The following ERBB4 variants were observed in gnomAD, a reference collection of about 807,000 sequenced individuals.
The protein encoded by ERBB4 is erb-b2 receptor tyrosine kinase 4, also known as receptor tyrosine-protein kinase erbB-4.
ERBB4 carries 42 observed loss-of-function variants against 158.0 expected under a neutral mutation model. The observed-to-expected ratio is 0.27, with a 90% confidence interval of 0.21 to 0.34. The LOEUF is 0.34. Among genes scored for constraint, ERBB4 ranks in the 10% least tolerant of loss-of-function variants. ERBB4 has a pLI of 1.00. For missense variants in ERBB4, 1,333 were observed against 1,624.1 expected, an observed-to-expected ratio of 0.82 and a Z score of 3.08; for synonymous variants, 583 against 558.7, an observed-to-expected ratio of 1.04 and a Z score of -0.61.
At chr2:211,944,185 ATATATATATATATACTAT>A (rs2080600866) in intron 3 of ERBB4, among the ~76,000 whole-genome samples, 2 of 45,514 alleles carry the variant, frequency 4.4e-5, no homozygotes, top group African/African-American at 2.4e-4. Flanking sequence ...TACTATATAT[ATATATATATATATACTAT>A]ATATATATAT....
intron 1 of ERBB4, among the ~76,000 whole-genome samples, chr2:212,131,166 AC>A: frequency 6.6e-6 from 1 of 152,230 alleles, no homozygotes; most frequent in Admixed American, 6.5e-5. Context: ...ATGGGTCCAA[AC>A]TTGTCACTTC....
At chr2:211,489,453 A>C (rs997950071) in intron 20 of ERBB4, among the ~76,000 whole-genome samples, 1 of 151,970 alleles carries the variant, frequency 6.6e-6, no homozygotes, top group African/African-American at 2.4e-5. Flanking sequence ...AATCATATGA[A>C]TTAAACGTAA....
In ERBB4 at chr2:211,461,661, T is replaced by C. The variant is rs534009301; in HGVS notation, c.2488-30561A>G. ...AAGAAAGAAACATAGACACTAAGCATATGCATCCACAGAAGGAGAGAGAGA... is the reference window on the plus strand; with the variant it reads ...AAGAAAGAAACATAGACACTAAGCACATGCATCCACAGAAGGAGAGAGAGA... On this transcript the variant is annotated intron_variant, in intron 20 of 27. Transcript: ENST00000342788. Among the ~76,000 whole-genome samples the C allele has an allele frequency of 5.3e-5, 8 of 152,092 alleles. No homozygotes were observed. In the East Asian group the frequency reaches 1.4e-3, roughly 26 times the overall value.
chr2:212,285,961 T>C (rs2085945147), intron 1 of ERBB4, among the ~76,000 whole-genome samples: 1 of 152,182 alleles, frequency 6.6e-6, no homozygotes. Flanking sequence ...ATATTATATG[T>C]ATGATTTGAC....
At chr2:212,240,076 T>G (rs1183312304) in intron 1 of ERBB4, among the ~76,000 whole-genome samples, 1 of 152,202 alleles carries the variant, frequency 6.6e-6, no homozygotes. Flanking sequence ...TTGTGAAATC[T>G]TGTACTGATA....
At chr2:211,842,414 G>A (rs759570748) in intron 3 of ERBB4, among the ~76,000 whole-genome samples, 1 of 147,864 alleles carries the variant, frequency 6.8e-6, no homozygotes, top group African/African-American at 2.4e-5. Context: ...ATTCAAACTT[G>A]AGATAAATGT....
chr2:211,725,252 G>T, intron 5 of ERBB4, 58 bp from the exon 6 acceptor site: 2 of 1,299,788 alleles, frequency 1.5e-6, no homozygotes, highest in Non-Finnish European at 1.1e-6. Flanking sequence ...AAACTCATAA[G>T]CTGAGTTCTG....
chr2:211,736,306 C>T (rs2074599760), intron 5 of ERBB4, among the ~76,000 whole-genome samples: 1 of 152,112 alleles, frequency 6.6e-6, no homozygotes, highest in Non-Finnish European at 1.5e-5. Flanking sequence ...GTACACATAT[C>T]CTTGATGAAA....
At chr2:212,069,556 T>A (rs2078048931) in intron 2 of ERBB4, among the ~76,000 whole-genome samples, 1 of 152,038 alleles carries the variant, frequency 6.6e-6, no homozygotes, top group African/African-American at 2.4e-5. Context: ...TACTGGAGGT[T>A]CTAATTAGAG....
At chr2:211,878,707 G>A (rs1382461047) in intron 3 of ERBB4, among the ~76,000 whole-genome samples, 1 of 141,060 alleles carries the variant, frequency 7.1e-6, no homozygotes, top group Non-Finnish European at 1.5e-5. Flanking sequence ...GCCCAGACTG[G>A]AGTGCAGTGG....
rs958427662 is a variant in ERBB4 at position 212,283,344 on chromosome 2, G to A, written c.83-158441C>T. On this transcript the variant is annotated intron_variant, in intron 1 of 27. Transcript: ENST00000342788. ...CGGTATCATATGGCACAATTTGTAC[G>A]GTAATCCCACATTTCCCAAGCACTT... 4.6e-5 allele frequency among the ~76,000 whole-genome samples: 7 copies of A among 151,868 alleles called. No individual in the cohort carries two copies. In the East Asian group the frequency reaches 5.8e-4, roughly 13 times the overall value.
intron 1 of ERBB4, among the ~76,000 whole-genome samples, chr2:212,382,923 C>T (rs536360884): frequency 2.6e-5 from 4 of 150,970 alleles, no homozygotes; most frequent in Admixed American, 6.6e-5. Context: ...ATATTATAAC[C>T]CTTTTAAATA....
intron 2 of ERBB4, among the ~76,000 whole-genome samples, chr2:212,010,901 A>G (rs1171808122): frequency 1.3e-5 from 2 of 152,140 alleles, no homozygotes; most frequent in African/African-American, 4.8e-5. Flanking sequence ...GATTTTAGCG[A>G]TATCTCTCCT....
At chr2:211,448,972 A>G (rs183927641) in intron 20 of ERBB4, among the ~76,000 whole-genome samples, 1 of 152,134 alleles carries the variant, frequency 6.6e-6, no homozygotes, top group Non-Finnish European at 1.5e-5. Flanking sequence ...CTCTATTAAG[A>G]CAAATTAATA....
chr2:211,647,207 C>T lies in ERBB4; in HGVS notation c.1946+10547G>A, dbSNP rs138196318. ...TTAACTCTTCTTTTTTTTCAGGAAA[C>T]TGTTATAATTAATAATCTCTTCTCT... On this transcript the variant is annotated intron_variant, in intron 16 of 27. Transcript: ENST00000342788. Among the ~76,000 whole-genome samples the T allele has an allele frequency of 2.0e-4, 30 of 151,298 alleles. 1 individual carries two copies. The East Asian group carries it at 5.6e-3, about 28-fold the overall frequency.
At chr2:211,792,930 G>T (rs2076307712) in intron 3 of ERBB4, among the ~76,000 whole-genome samples, 2 of 151,816 alleles carry the variant, frequency 1.3e-5, no homozygotes, top group Admixed American at 1.3e-4. Context: ...CCCATTAACA[G>T]AATCATTGAC....
In ERBB4 at chr2:211,381,233, T is replaced by A. The variant is rs1422254616; in HGVS notation, c.*2382A>T. 24 of 232,196 alleles carry A rather than the reference T, an allele frequency of 1.0e-4. No individual in the cohort carries two copies. The East Asian group carries it at 1.5e-3, about 14-fold the overall frequency. The allele number at this position is 232,196 out of a possible 1,614,324, so 14.4% of individuals were successfully genotyped here. On this transcript the variant is annotated 3_prime_UTR_variant, in exon 28 of 28. Transcript: ENST00000342788. ...CTTTTTCAGCTCGCCTCACTTCTTA[T>A]AGCTTAGAAAAAAACCAACTCCAAT...
At chr2:211,599,272 T>C (rs1414153018) in intron 19 of ERBB4, among the ~76,000 whole-genome samples, 1 of 152,186 alleles carries the variant, frequency 6.6e-6, no homozygotes, top group Non-Finnish European at 1.5e-5. Flanking sequence ...AAAGTCATGG[T>C]TGAATGCACT....
chr2:211,608,125 G>C (rs927535729), intron 19 of ERBB4, among the ~76,000 whole-genome samples: 2 of 152,010 alleles, frequency 1.3e-5, no homozygotes, highest in African/African-American at 4.8e-5. Context: ...CTGAGAGTAA[G>C]AGTGAGTAAC....
Sources: gnomAD v4.1 joint callset for allele counts (sites outside exome capture counted in the v4.1 genomes callset) on GRCh38, gnomAD v4.1.1 for gene constraint, MANE v1.5 for transcripts, NCBI Gene and HGNC (gene_info 2026-07-23, HGNC 2026-07-21) for gene names.